KDM6B: variants seen among roughly 807,000 people sequenced by gnomAD.
The protein encoded by KDM6B is lysine-specific demethylase 6B.
Under a neutral mutation model 150.4 loss-of-function variants are expected in KDM6B, and 22 were observed. The ratio of observed to expected loss-of-function variants is 0.15; its 90% CI spans 0.10 to 0.21. KDM6B has a LOEUF of 0.21. KDM6B is among the 10% of genes least tolerant of loss of function. KDM6B has a pLI of 1.00. For synonymous variants in KDM6B, 1,148 were observed against 921.1 expected (o/e 1.25, Z -4.46); for missense variants, 1,984 against 2,234.3 (o/e 0.89, Z 2.26).
Position 7,845,444 on chromosome 17 carries a change from C to T in KDM6B, c.-18C>T. On this transcript the variant is annotated 5_prime_UTR_variant, in exon 4 of 24. Transcript: ENST00000448097. ...GCCCAATCTCCAGGGCTCCTGGGGC[C>T]ACTGCTGACCTGGTAAGGGAAACTC... The T allele has an allele frequency of 7.4e-7, 1 of 1,357,334 alleles. No homozygotes were observed. Among genetic ancestry groups the T allele is most frequent in the Non-Finnish European group, 1.1e-6 (1 of 948,142 alleles). 84.1% of individuals were successfully genotyped at this position (1,357,334 alleles called of 1,614,324 possible).
In KDM6B at chr17:7,847,208, GC is replaced by G; in HGVS notation, c.1018del (p.Arg340AlafsTer147). The G allele has an allele frequency of 6.3e-7, 1 of 1,597,796 alleles. No individual in the cohort carries two copies. Among genetic ancestry groups the G allele is most frequent in the Non-Finnish European group, 8.5e-7 (1 of 1,174,776 alleles). On this transcript the variant is annotated frameshift_variant, in exon 11 of 24. Coordinates refer to ENST00000448097, the MANE Select transcript of KDM6B (RefSeq NM_001348716.2). LOFTEE classifies it high-confidence loss of function. ...GTCCCGGCTGCTCCCCCAGGCCCAGGCCCCCGCCCCCCAGGAGCAGAGAGCC... is the reference window on the plus strand; with the variant it reads ...GTCCCGGCTGCTCCCCCAGGCCCAGGCCCCGCCCCCCAGGAGCAGAGAGCC... ...RLVPAAPPGP[G>X]PRPPGAESHG... is the part of the protein sequence containing the mutation.
rs1597832374 is a variant in KDM6B at position 7,845,385 on chromosome 17, A to G, written c.-77A>G. Reference sequence around the variant, plus strand: ...CTCTTATCAGAGCGGCTGGAGCCGGACCATCGTCCCAGAGAGCTGGGGCAG... The same window carrying G: ...CTCTTATCAGAGCGGCTGGAGCCGGGCCATCGTCCCAGAGAGCTGGGGCAG... On this transcript the variant is annotated 5_prime_UTR_variant, in exon 4 of 24. Transcript: ENST00000448097. The G allele has an allele frequency of 1.2e-6, 1 of 831,602 alleles. No homozygotes were observed. 51.5% of individuals were successfully genotyped at this position (831,602 alleles called of 1,614,324 possible).
rs1597856786 is a variant in KDM6B at position 7,851,856 on chromosome 17, C to T, written c.4165+60C>T. ...GCGCGAGAGGAGGGGCTGGCGGCGG[C>T]GCTCAGCCGTCAGCCAATGAGGGCA... On this transcript the variant is annotated intron_variant, in intron 18 of 23. Coordinates refer to ENST00000448097, the MANE Select transcript of KDM6B (RefSeq NM_001348716.2). 3.2e-6 allele frequency: 5 copies of T among 1,567,842 alleles called. No homozygotes were observed. The Admixed American group carries it at 7.6e-5, about 24-fold the overall frequency.
rs200503000 is a variant in KDM6B at position 7,847,399 on chromosome 17, A to T, written c.1204A>T (p.Ser402Cys). ...GLPGTTTSSSSSSSSNTGLRG... is the reference protein window; with the variant it reads ...GLPGTTTSSSCSSSSNTGLRG... ...CCCCGGCACCACCACCAGCAGCAGC[A>T]GTAGCAGCAGCAGCAACACTGGTCT... is the stretch of plus-strand genomic sequence containing the variant. Residue 402 changes from serine to cysteine, a missense_variant, in exon 11 of 24, where the codon AGT becomes TGT. This residue lies in a region of KDM6B where 1,379 missense variants were observed against 1,275.6 expected (regional missense o/e 1.08). Transcript: ENST00000448097. 18 of 1,613,468 alleles carry T rather than the reference A, an allele frequency of 1.1e-5. No individual in the cohort carries two copies. The highest frequency in any genetic ancestry group is 1.7e-5 in the Admixed American group (1 of 60,000).
chr17:7,848,867 C>G lies in KDM6B; in HGVS notation c.2579C>G (p.Ser860Cys). 6.2e-7 allele frequency: 1 copy of G among 1,609,990 alleles called. No individual in the cohort carries two copies. The highest frequency in any genetic ancestry group is 8.5e-7 in the Non-Finnish European group (1 of 1,178,068). The change falls in exon 12 of 24, where the codon TCC becomes TGC. Residue 860 changes from serine to cysteine, a missense_variant. By Grantham distance (112) the Ser-to-Cys change is moderately radical. Coordinates refer to ENST00000448097, the MANE Select transcript of KDM6B (RefSeq NM_001348716.2). Reference protein sequence around the residue: ...PTSAAPSAQGSPQPSASSSSQ... With the variant: ...PTSAAPSAQGCPQPSASSSSQ... ...TCAGCGGCCCCTAGCGCCCAGGGCT[C>G]CCCACAGCCCTCTGCTTCCTCGTCA...
chr17:7,851,802 C>A lies in KDM6B; in HGVS notation c.4165+6C>A. The A allele has an allele frequency of 6.4e-7, 1 of 1,555,640 alleles. No homozygotes were observed. Among genetic ancestry groups the A allele is most frequent in the South Asian group, 1.2e-5 (1 of 85,338 alleles). On this transcript the variant is annotated splice_donor_region_variant and intron_variant, in intron 18 of 23. Coordinates refer to ENST00000448097, the MANE Select transcript of KDM6B (RefSeq NM_001348716.2). Reference sequence around the variant, plus strand: ...GCCCGGCAGCCGAACGCCAGGTGCGCTCCACGCCTGTGCGCGCTGATGCTG... The same window carrying A: ...GCCCGGCAGCCGAACGCCAGGTGCGATCCACGCCTGTGCGCGCTGATGCTG...
Position 7,851,938 on chromosome 17 carries a change from T to C in KDM6B, c.4166-13T>C. The C allele has an allele frequency of 6.2e-7, 1 of 1,612,908 alleles. No homozygotes were observed. Among genetic ancestry groups the C allele is most frequent in the Non-Finnish European group, 8.5e-7 (1 of 1,179,356 alleles). On this transcript the variant is annotated splice_polypyrimidine_tract_variant and intron_variant, in intron 18 of 23. Coordinates refer to ENST00000448097, the MANE Select transcript of KDM6B (RefSeq NM_001348716.2). ...ACCTGGCCAGCCATGCCGTTCTCTGTCGACCCCTGCAGGCCACCAGGAGAA... is the reference window on the plus strand; with the variant it reads ...ACCTGGCCAGCCATGCCGTTCTCTGCCGACCCCTGCAGGCCACCAGGAGAA...
chr17:7,848,291 C>T lies in KDM6B; in HGVS notation c.2003C>T (p.Pro668Leu). The T allele has an allele frequency of 1.2e-6, 2 of 1,612,512 alleles. No individual in the cohort carries two copies. Among genetic ancestry groups the T allele is most frequent in the Non-Finnish European group, 1.7e-6 (2 of 1,179,826 alleles). The part of the protein sequence containing the change: ...PGVGELPARG[P>L]RLFDFPPTPL... ...GTTGGGGAGCTGCCTGCCCGAGGCCCTCGACTCTTTGATTTTCCCCCCACT... is the reference window on the plus strand; with the variant it reads ...GTTGGGGAGCTGCCTGCCCGAGGCCTTCGACTCTTTGATTTTCCCCCCACT... Residue 668 changes from proline to leucine, a missense_variant, in exon 12 of 24, where the codon CCT becomes CTT. Around this residue, in one of 13 missense-constraint regions of KDM6B, gnomAD observed 1,379 missense variants for 1,275.6 expected, o/e 1.08. Coordinates refer to ENST00000448097, the MANE Select transcript of KDM6B (RefSeq NM_001348716.2).
At chr17:7,841,373 G>C (rs919043589) in intron 2 of KDM6B, among the ~76,000 whole-genome samples, 2 of 152,228 alleles carry the variant, frequency 1.3e-5, no homozygotes, top group Admixed American at 6.5e-5. Flanking sequence ...TCAGGATCGA[G>C]AGGAGTGTAG....
At chr17:7,839,559 A>G (rs2078384134) in intron 1 of KDM6B, among the ~76,000 whole-genome samples, 1 of 152,140 alleles carries the variant, frequency 6.6e-6, no homozygotes, top group Non-Finnish European at 1.5e-5. Flanking sequence ...CCCTGGTGCT[A>G]GGACTCAGGC....
In KDM6B at chr17:7,848,340, G is replaced by A. The variant is rs1253950840; in HGVS notation, c.2052G>A (p.Glu684=). ...CTCCGCTGGAGGACCAGTTTGAGGA[G>A]CCAGCCGAATTCAAGATCCTACCTG... ...PPTPLEDQFE[E]PAEFKILPDG... Residue 684 remains glutamate (E), a synonymous_variant, in exon 12 of 24, where the codon GAG becomes GAA. Transcript: ENST00000448097. The A allele has an allele frequency of 6.2e-7, 1 of 1,612,714 alleles. No individual in the cohort carries two copies. Among genetic ancestry groups the A allele is most frequent in the Non-Finnish European group, 8.5e-7 (1 of 1,180,008 alleles).
intron 1 of KDM6B, among the ~76,000 whole-genome samples, chr17:7,836,180 G>A (rs1426959581): frequency 1.3e-5 from 2 of 152,232 alleles, no homozygotes; most frequent in African/African-American, 2.4e-5. Flanking sequence ...GACGGCCCAG[G>A]TGATTCTTCT....
intron 1 of KDM6B, among the ~76,000 whole-genome samples, chr17:7,835,300 A>G (rs2078311672): frequency 6.6e-6 from 1 of 151,858 alleles, no homozygotes; most frequent in African/African-American, 2.4e-5. Context: ...GCTGCAGCTT[A>G]TGTTGTGACA....
intron 14 of KDM6B, among the ~76,000 whole-genome samples, chr17:7,850,519 G>C (rs1371212740): frequency 6.6e-6 from 1 of 152,212 alleles, no homozygotes; most frequent in African/African-American, 2.4e-5. Flanking sequence ...ATTAGAGAAA[G>C]CTGTATAGAA....
intron 1 of KDM6B, among the ~76,000 whole-genome samples, chr17:7,838,110 C>T (rs1240882409): frequency 6.7e-6 from 1 of 149,152 alleles, no homozygotes; most frequent in Non-Finnish European, 1.5e-5. Flanking sequence ...CAGCCCCCTC[C>T]CGTGTTGATC....
intron 9 of KDM6B, 22 bp from the exon 10 acceptor site, chr17:7,846,797 C>G: frequency 6.2e-7 from 1 of 1,613,716 alleles, no homozygotes; most frequent in Non-Finnish European, 8.5e-7. Flanking sequence ...GAATGGGATT[C>G]TCACACTCTC....
chr17:7,848,901 C>T lies in KDM6B; in HGVS notation c.2613C>T (p.Phe871=), dbSNP rs775120990. 39 of 1,606,288 alleles carry T rather than the reference C, an allele frequency of 2.4e-5. No individual in the cohort carries two copies. The highest frequency in any genetic ancestry group is 3.2e-5 in the Non-Finnish European group (38 of 1,175,580). ...CCTCTGCTTCCTCGTCATCTCAGTT[C>T]TCTACCTCAGGCGGGCCCTGGGCCC... ...PQPSASSSSQ[F]STSGGPWARE... The change falls in exon 12 of 24, where the codon TTC becomes TTT. Residue 871 remains phenylalanine (F), a synonymous_variant. Coordinates refer to ENST00000448097, the MANE Select transcript of KDM6B (RefSeq NM_001348716.2).
chr17:7,841,045 C>A (rs1567783801), intron 2 of KDM6B, among the ~76,000 whole-genome samples: 1 of 152,194 alleles, frequency 6.6e-6, no homozygotes, highest in Non-Finnish European at 1.5e-5. Context: ...CTCTTTCATT[C>A]TTCACTTGCA....
At chr17:7,850,473 A>T (rs892044228) in intron 14 of KDM6B, among the ~76,000 whole-genome samples, 1 of 152,228 alleles carries the variant, frequency 6.6e-6, no homozygotes, top group African/African-American at 2.4e-5. Context: ...GCTCTCTCTC[A>T]GTCTTTTATT....
Sources: allele counts gnomAD v4.1 joint callset (sites outside exome capture counted in the v4.1 genomes callset), GRCh38; gene constraint gnomAD v4.1.1; regional missense constraint gnomAD v4.1.1; transcripts MANE v1.5; gene names NCBI Gene and HGNC (gene_info 2026-07-23, HGNC 2026-07-21).